Variants in VWA8 observed in about 807,000 individuals in gnomAD.
The protein encoded by VWA8 is von Willebrand factor A domain containing 8.
Under a neutral mutation model 241.5 loss-of-function variants are expected in VWA8, and 221 were observed. The ratio of observed to expected loss-of-function variants is 0.91; its 90% confidence interval spans 0.82 to 1.02. The LOEUF is 1.02. VWA8 is among the 50% of genes least tolerant of loss of function. VWA8 has a pLI of 0.00. For missense variants in VWA8, 2,322 were observed against 2,328.7 expected (o/e 1.00, Z 0.06); for synonymous variants, 852 against 827.1 (o/e 1.03, Z -0.52).
At chr13:41,775,867 C>T (rs912819842) in intron 20 of VWA8, among the ~76,000 whole-genome samples, 9 of 152,176 alleles carry the variant, frequency 5.9e-5, no homozygotes, top group Non-Finnish European at 1.3e-4. Context: ...CTCCCCAATC[C>T]TCCAGAGGTT....
intron 20 of VWA8, among the ~76,000 whole-genome samples, chr13:41,777,141 C>T (rs980584826): frequency 3.3e-5 from 5 of 152,108 alleles, no homozygotes; most frequent in African/African-American, 1.2e-4. Context: ...TACTATGTAA[C>T]AGGTACCATG....
chr13:41,773,932 T>C (rs74868140), intron 20 of VWA8, among the ~76,000 whole-genome samples: 2,002 of 152,308 alleles, frequency 0.013, 23 homozygotes, highest in Middle Eastern at 0.051. Context: ...TTGAATGGGC[T>C]ACTTAACTAT....
chr13:41,876,112 T>A (rs1873886065), intron 9 of VWA8, among the ~76,000 whole-genome samples: 1 of 152,086 alleles, frequency 6.6e-6, no homozygotes, highest in Admixed American at 6.6e-5. Context: ...ACATCACAGC[T>A]GGTCAAAGCT....
rs1026531454 is a variant in VWA8 at position 41,831,592 on chromosome 13, G to T, written c.1587-950C>A. Among the ~76,000 whole-genome samples, 5 of 149,912 alleles carry T rather than the reference G, an allele frequency of 3.3e-5. No homozygotes were observed. In the East Asian group the frequency reaches 9.9e-4, roughly 30 times the overall value. Reference sequence around the variant, plus strand: ...TAGACCAATTATATCAGAAAATTCTGATGGTGAAGCCCAGGCATGAGTTTT... The same window carrying T: ...TAGACCAATTATATCAGAAAATTCTTATGGTGAAGCCCAGGCATGAGTTTT... On this transcript the variant is annotated intron_variant, in intron 13 of 44. Coordinates refer to ENST00000379310, the MANE Select transcript of VWA8 (RefSeq NM_015058.2).
chr13:41,960,779 A>AG, intron 1 of VWA8, 74 bp downstream of exon 1: 1 of 1,448,388 alleles, frequency 6.9e-7, no homozygotes, highest in Non-Finnish European at 9.0e-7. Flanking sequence ...AACAGAGAGG[A>AG]GGGGCGGGGG....
intron 2 of VWA8, among the ~76,000 whole-genome samples, chr13:41,917,983 C>G (rs1876336890): frequency 6.6e-6 from 1 of 152,142 alleles, no homozygotes; most frequent in East Asian, 1.9e-4. Flanking sequence ...AAACTTTCCC[C>G]TATTTACCAT....
At position 41,689,617 on chromosome 13, in the gene VWA8, A is replaced by T. The variant is rs556129105; in HGVS notation, c.3977-109T>A. 53 of 1,136,442 alleles carry T rather than the reference A, an allele frequency of 4.7e-5. No homozygotes were observed. The African/African-American group carries it at 8.4e-4, about 18-fold the overall frequency. 70.4% of individuals were successfully genotyped at this position (1,136,442 alleles called of 1,614,324 possible). The stretch of plus-strand genomic sequence containing the variant: ...CAAATGGAAAAGAACAAGTTAAAAA[A>T]GAGAAAACATTTTAAATTACATTCA... On this transcript the variant is annotated intron_variant, in intron 33 of 44. Transcript: ENST00000379310.
At chr13:41,833,950 G>A (rs981677375) in intron 12 of VWA8, among the ~76,000 whole-genome samples, 5 of 152,146 alleles carry the variant, frequency 3.3e-5, no homozygotes, top group Admixed American at 3.3e-4. Context: ...GAGAGATCAT[G>A]CAAACTCAAC....
At chr13:41,592,948 T>C (rs897524181) in intron 40 of VWA8, among the ~76,000 whole-genome samples, 7 of 152,206 alleles carry the variant, frequency 4.6e-5, no homozygotes, top group African/African-American at 1.7e-4. Context: ...TGGTGAGCCG[T>C]GTTAGCTGGT....
At chr13:41,657,270 G>C (rs898825914) in intron 37 of VWA8, among the ~76,000 whole-genome samples, 1 of 151,752 alleles carries the variant, frequency 6.6e-6, no homozygotes, top group Non-Finnish European at 1.5e-5. Flanking sequence ...AGAGAGGCTG[G>C]GTCCTGTGCC....
intron 17 of VWA8, among the ~76,000 whole-genome samples, chr13:41,804,378 A>T (rs1870090968): frequency 6.6e-6 from 1 of 152,176 alleles, no homozygotes; most frequent in Non-Finnish European, 1.5e-5. Flanking sequence ...TGCTGAAGGA[A>T]AAAGCTTTTA....
At chr13:41,590,884 C>A in intron 40 of VWA8, 119 bp from the exon 41 acceptor site, 1 of 1,275,334 alleles carries the variant, frequency 7.8e-7, no homozygotes, top group South Asian at 1.4e-5. Context: ...GATGGTTCTG[C>A]ATGAACACAG....
intron 2 of VWA8, chr13:41,926,526 A>T: frequency 1.9e-6 from 1 of 537,174 alleles, no homozygotes; most frequent in Non-Finnish European, 3.8e-6. Flanking sequence ...AAGCAGATTT[A>T]TGAAACTGGA....
chr13:41,622,492 T>C (rs1395657675), intron 37 of VWA8, among the ~76,000 whole-genome samples: 1 of 152,186 alleles, frequency 6.6e-6, no homozygotes, highest in Non-Finnish European at 1.5e-5. Context: ...CTTAAAGGGA[T>C]CAAAAATTTC....
chr13:41,938,466 CATGG>C lies in VWA8; in HGVS notation c.241+11466_241+11469del, dbSNP rs376615141. Among the ~76,000 whole-genome samples the C allele has an allele frequency of 1.1e-3, 170 of 152,198 alleles. 1 individual carries two copies. In the East Asian group the frequency reaches 0.024, roughly 22 times the overall value. On this transcript the variant is annotated intron_variant, in intron 2 of 44. Transcript: ENST00000379310. ...AGGAGTTTGAGACCAGCCTGGCCAACATGGTAAAACCCCGTCTCTACTAAAAATA... is the reference window on the plus strand; with the variant it reads ...AGGAGTTTGAGACCAGCCTGGCCAACTAAAACCCCGTCTCTACTAAAAATA...
chr13:41,706,221 A>T (rs1566422656), intron 26 of VWA8, among the ~76,000 whole-genome samples: 1 of 152,168 alleles, frequency 6.6e-6, no homozygotes, highest in Non-Finnish European at 1.5e-5. Flanking sequence ...GAACTTGCCA[A>T]CTCATTCTAA....
Position 41,907,797 on chromosome 13 carries a change from A to C in VWA8, c.373-101T>G, listed in dbSNP as rs534681428. On this transcript the variant is annotated intron_variant, in intron 3 of 44. Transcript: ENST00000379310. The stretch of plus-strand genomic sequence containing the variant: ...CAATGCCATTGCCCATGAGAAGTGC[A>C]TTGTTAAACCTAATTTTGGGTTGAA... The C allele has an allele frequency of 5.2e-6, 5 of 953,620 alleles. No individual in the cohort carries two copies. In the South Asian group the frequency reaches 7.4e-5, roughly 14 times the overall value. The allele number at this position is 953,620 out of a possible 1,614,324, so 59.1% of individuals were successfully genotyped here.
rs1188626003 is a variant in VWA8 at position 41,885,986 on chromosome 13, T to C, written c.909A>G (p.Gln303=). The C allele has an allele frequency of 1.2e-6, 2 of 1,607,586 alleles. No homozygotes were observed. The highest frequency in any genetic ancestry group is 1.3e-5 in the African/African-American group (1 of 74,616). The change falls in exon 8 of 45, where the codon CAA becomes CAG. Residue 303 remains glutamine (Q), a synonymous_variant. Coordinates refer to ENST00000379310, the MANE Select transcript of VWA8 (RefSeq NM_015058.2). ...CTGGAAGTCCAAGAGTAGAAGATTC[T>C]TGGGAACACAGAGTTGTGGCAAAGG... The part of the protein sequence containing the change: ...LLSFATTLCS[Q]ESSTLGLPDF...
intron 1 of VWA8, among the ~76,000 whole-genome samples, chr13:41,953,482 T>C (rs1340586665): frequency 6.6e-6 from 1 of 152,214 alleles, no homozygotes; most frequent in African/African-American, 2.4e-5. Flanking sequence ...AAATAAATTA[T>C]AGGCTGGACC....
Sources: allele counts gnomAD v4.1 joint callset (sites outside exome capture counted in the v4.1 genomes callset), GRCh38; gene constraint gnomAD v4.1.1; transcripts MANE v1.5; gene names NCBI Gene and HGNC (gene_info 2026-07-23, HGNC 2026-07-21).